The following DMP1 variants were observed in gnomAD, a reference collection of about 807,000 sequenced individuals.
The protein encoded by DMP1 is dentin matrix protein 1.
In DMP1, 20 loss-of-function variants were observed where a neutral mutation model predicts 14.6. That is an observed-to-expected ratio of 1.37 (90% CI 0.96 to 1.99). DMP1 has a LOEUF of 1.99. Ranked by LOEUF, DMP1 falls within the 30% of genes most tolerant of loss-of-function variation. DMP1 has a pLI of 0.00. For missense variants in DMP1, 567 were observed against 620.5 expected, an observed-to-expected ratio of 0.91 and a Z score of 0.92; for synonymous variants, 197 against 215.3, an observed-to-expected ratio of 0.91 and a Z score of 0.75.
At chr4:87,654,586 C>T (rs973119779) in intron 1 of DMP1, among the ~76,000 whole-genome samples, 2 of 151,972 alleles carry the variant, frequency 1.3e-5, no homozygotes, top group African/African-American at 2.4e-5. Context: ...TACAAAGAGT[C>T]CGAGGACTTC....
intron 1 of DMP1, among the ~76,000 whole-genome samples, chr4:87,653,409 A>ATATATATATATATATATAT (rs1728584640): frequency 8.8e-6 from 1 of 113,638 alleles, no homozygotes; most frequent in Admixed American, 9.0e-5. Flanking sequence ...ATATATATAT[A>ATATATATATATATATATAT]TATATATATA....
In DMP1 at chr4:87,661,845, G is replaced by A. The variant is rs533219983; in HGVS notation, c.184-117G>A. 2.3e-4 allele frequency: 356 copies of A among 1,575,042 alleles called. 2 individuals carry two copies. The highest frequency in any genetic ancestry group is 1.6e-3 in the South Asian group (139 of 86,990). On this transcript the variant is annotated intron_variant, in intron 5 of 5. Transcript: ENST00000339673. ...AGGTTATTGAGTAGTAAAACTGACCGTAGATTAGAGGAGGGGATGTAGGGC... is the reference window on the plus strand; with the variant it reads ...AGGTTATTGAGTAGTAAAACTGACCATAGATTAGAGGAGGGGATGTAGGGC...
intron 3 of DMP1, among the ~76,000 whole-genome samples, chr4:87,658,263 G>A (rs1162353905): frequency 3.9e-5 from 6 of 152,200 alleles, no homozygotes; most frequent in East Asian, 3.9e-4. Flanking sequence ...CCTCTGAAAC[G>A]CACGTTGAAG....
chr4:87,654,163 G>C (rs990451482), intron 1 of DMP1, among the ~76,000 whole-genome samples: 1 of 152,144 alleles, frequency 6.6e-6, no homozygotes, highest in African/African-American at 2.4e-5. Flanking sequence ...ATTAAACTAG[G>C]GGGGTCAGAG....
intron 1 of DMP1, among the ~76,000 whole-genome samples, chr4:87,655,983 C>A (rs1248466335): frequency 1.3e-5 from 2 of 152,184 alleles, no homozygotes; most frequent in African/African-American, 4.8e-5. Flanking sequence ...AATCTATACA[C>A]CACATACTTC....
At chr4:87,653,358 T>C (rs1175693913) in intron 1 of DMP1, among the ~76,000 whole-genome samples, 1 of 135,600 alleles carries the variant, frequency 7.4e-6, no homozygotes, top group Non-Finnish European at 1.6e-5. Context: ...TTTCAGACAA[T>C]ATTCAGCATA....
At chr4:87,654,608 G>A (rs890769404) in intron 1 of DMP1, among the ~76,000 whole-genome samples, 1 of 152,108 alleles carries the variant, frequency 6.6e-6, no homozygotes, top group Non-Finnish European at 1.5e-5. Flanking sequence ...GTATTTAAAG[G>A]GGAAAGAACA....
chr4:87,661,476 C>T (rs981874680), intron 5 of DMP1, among the ~76,000 whole-genome samples: 1 of 151,632 alleles, frequency 6.6e-6, no homozygotes, highest in African/African-American at 2.4e-5. Flanking sequence ...CCCGCCTCGG[C>T]CTCCCAAAGT....
At chr4:87,657,829 G>C (rs1190463354) in intron 3 of DMP1, among the ~76,000 whole-genome samples, 1 of 152,162 alleles carries the variant, frequency 6.6e-6, no homozygotes, top group Non-Finnish European at 1.5e-5. Context: ...TGCGAAATCA[G>C]AGCATTTTGT....
intron 3 of DMP1, among the ~76,000 whole-genome samples, chr4:87,658,239 C>G (rs6829676): frequency 0.044 from 6,738 of 152,306 alleles, 495 homozygotes; most frequent in African/African-American, 0.15. Context: ...TAAGGAGATA[C>G]CCCCAGTCCA....
At chr4:87,657,216 A>G in intron 3 of DMP1, 137 bp downstream of exon 3, 2 of 600,154 alleles carry the variant, frequency 3.3e-6, no homozygotes, top group South Asian at 2.2e-5. Context: ...GAGTTCATAG[A>G]AGAAAATACT....
At position 87,663,403 on chromosome 4, in the gene DMP1, T is replaced by G; in HGVS notation, c.*83T>G. 1 of 1,600,114 alleles carries G rather than the reference T, an allele frequency of 6.2e-7. No homozygotes were observed. The highest frequency in any genetic ancestry group is 8.5e-7 in the Non-Finnish European group (1 of 1,169,702). On this transcript the variant is annotated 3_prime_UTR_variant, in exon 6 of 6. Coordinates refer to ENST00000339673, the MANE Select transcript of DMP1 (RefSeq NM_004407.4). ...TATCATGATAACTATAATTTATTGATGTTTTGATCAAAAGAATAACCAGAT... is the reference window on the plus strand; with the variant it reads ...TATCATGATAACTATAATTTATTGAGGTTTTGATCAAAAGAATAACCAGAT...
chr4:87,661,022 C>T (rs1728848213), intron 5 of DMP1, among the ~76,000 whole-genome samples: 1 of 150,386 alleles, frequency 6.6e-6, no homozygotes, highest in African/African-American at 2.4e-5. Flanking sequence ...AAACAATTAC[C>T]TAAGAGGTTT....
In DMP1 at chr4:87,661,951, C is replaced by T. The variant is rs963494613; in HGVS notation, c.184-11C>T. 6.2e-7 allele frequency: 1 copy of T among 1,614,074 alleles called. No individual in the cohort carries two copies. Among genetic ancestry groups the T allele is most frequent in the South Asian group, 1.1e-5 (1 of 91,066 alleles). Reference sequence around the variant, plus strand: ...GGAATACTGACCATATCTGTTAACCCCAAATTCTAGGCAAATGAAGACCCC... The same window carrying T: ...GGAATACTGACCATATCTGTTAACCTCAAATTCTAGGCAAATGAAGACCCC... On this transcript the variant is annotated splice_polypyrimidine_tract_variant and intron_variant, in intron 5 of 5. Transcript: ENST00000339673.
At position 87,659,475 on chromosome 4, in the gene DMP1, A is replaced by G; in HGVS notation, c.180A>G (p.Glu60=). Residue 60 remains glutamate (E), a synonymous_variant, in exon 5 of 6, where the codon GAA becomes GAG. Transcript: ENST00000339673. Reference sequence around the variant, plus strand: ...AAGGCAGTAAAGTTAGCTCAGAGGAACAGGTAATTAAACAGACCTTTCTTA... The same window carrying G: ...AAGGCAGTAAAGTTAGCTCAGAGGAGCAGGTAATTAAACAGACCTTTCTTA... The part of the protein sequence containing the change: ...SSEGSKVSSE[E]QANEDPSDST... The G allele has an allele frequency of 1.2e-6, 2 of 1,613,908 alleles. No individual in the cohort carries two copies. Among genetic ancestry groups the G allele is most frequent in the Non-Finnish European group, 1.7e-6 (2 of 1,179,786 alleles).
Position 87,662,868 on chromosome 4 carries a change from A to G in DMP1, c.1090A>G (p.Arg364Gly), listed in dbSNP as rs370268836. 6.2e-7 allele frequency: 1 copy of G among 1,614,160 alleles called. No homozygotes were observed. Among genetic ancestry groups the G allele is most frequent in the African/African-American group, 1.3e-5 (1 of 75,052 alleles). The stretch of plus-strand genomic sequence containing the variant: ...TCAGGAAGAGGTGGTGAGTGAGTCC[A>G]GGGGAGATAACCCCGACCCCACAAC... ...ESQEEVVSES[R>G]GDNPDPTTSY... Residue 364 changes from arginine (R) to glycine (G), a missense_variant, in exon 6 of 6, where the codon AGG (arginine) becomes GGG (glycine). Physicochemically the swap from Arg to Gly is moderately radical, Grantham distance 125. Coordinates refer to ENST00000339673, the MANE Select transcript of DMP1 (RefSeq NM_004407.4).
intron 3 of DMP1, 82 bp from the exon 4 acceptor site, chr4:87,659,138 C>A: frequency 7.1e-7 from 1 of 1,406,606 alleles, no homozygotes; most frequent in Non-Finnish European, 1.0e-6. Context: ...AAAATAATAA[C>A]CTAAAATTAT....
Position 87,657,028 on chromosome 4 carries a change from C to A in DMP1, c.55-4C>A. 1 of 1,530,036 alleles carries A rather than the reference C, an allele frequency of 6.5e-7. No individual in the cohort carries two copies. Among genetic ancestry groups the A allele is most frequent in the African/African-American group, 1.4e-5 (1 of 73,464 alleles). 94.8% of individuals were successfully genotyped at this position (1,530,036 alleles called of 1,614,324 possible). On this transcript the variant is annotated splice_region_variant and splice_polypyrimidine_tract_variant and intron_variant, in intron 2 of 5. Coordinates refer to ENST00000339673, the MANE Select transcript of DMP1 (RefSeq NM_004407.4). ...GGATTTACCATGTGTACTAAATTTT[C>A]TAGGTAACCAGGTATCAAAATAATG...
chr4:87,650,460 G>A (rs965751104), intron 1 of DMP1, 76 bp downstream of exon 1: 10 of 152,186 alleles, frequency 6.6e-5, no homozygotes, highest in African/African-American at 1.9e-4. Context: ...ATGTATACAT[G>A]TTTGAGGCAT....
Sources: gnomAD v4.1 joint callset for allele counts (sites outside exome capture counted in the v4.1 genomes callset) on GRCh38, gnomAD v4.1.1 for gene constraint, MANE v1.5 for transcripts, NCBI Gene and HGNC (gene_info 2026-07-23, HGNC 2026-07-21) for gene names.